The following RALYL variants were observed in gnomAD, a reference collection of about 807,000 sequenced individuals.
The protein encoded by RALYL is RNA-binding Raly-like protein.
RALYL carries 29 observed loss-of-function variants against 35.1 expected under a neutral mutation model. The observed-to-expected ratio is 0.83, with a 90% confidence interval of 0.61 to 1.13. RALYL has a LOEUF of 1.13. Ranked by LOEUF, RALYL falls within the 50% of genes most tolerant of loss-of-function variation. The probability of loss-of-function intolerance (pLI) is 0.00; values close to 1 mark genes in which losing one functional copy is unlikely to be tolerated. For synonymous variants in RALYL, 120 were observed against 127.6 expected (o/e 0.94, Z 0.40); for missense variants, 359 against 360.4 (o/e 1.00, Z 0.03).
intron 2 of RALYL, among the ~76,000 whole-genome samples, chr8:84,716,285 T>A (rs146697626): frequency 3.3e-5 from 5 of 152,318 alleles, no homozygotes; most frequent in Admixed American, 3.3e-4. Flanking sequence ...AACTCACGTT[T>A]GTTTTAAGAC....
At chr8:84,768,282 G>A (rs769085007) in intron 2 of RALYL, among the ~76,000 whole-genome samples, 6 of 152,102 alleles carry the variant, frequency 3.9e-5, no homozygotes, top group Non-Finnish European at 7.4e-5. Flanking sequence ...GAGAACCTAA[G>A]CCTTGGCTTC....
chr8:84,471,609 A>C (rs1036019039), intron 1 of RALYL, among the ~76,000 whole-genome samples: 1 of 152,114 alleles, frequency 6.6e-6, no homozygotes, highest in African/African-American at 2.4e-5. Flanking sequence ...TCAGTCTCAC[A>C]CAGGACACAC....
intron 2 of RALYL, among the ~76,000 whole-genome samples, chr8:84,760,573 A>G (rs1352711282): frequency 6.6e-6 from 1 of 152,220 alleles, no homozygotes; most frequent in South Asian, 2.1e-4. Context: ...GGATTTTAAA[A>G]ATGTTTACAT....
intron 7 of RALYL, among the ~76,000 whole-genome samples, chr8:84,878,850 G>A (rs1253841615): frequency 2.6e-5 from 4 of 152,094 alleles, no homozygotes; most frequent in Non-Finnish European, 5.9e-5. Context: ...ATGAATATCT[G>A]AATAAGCTTT....
chr8:84,446,459 G>A (rs1425342550), intron 1 of RALYL, among the ~76,000 whole-genome samples: 1 of 152,030 alleles, frequency 6.6e-6, no homozygotes, highest in Non-Finnish European at 1.5e-5. Context: ...TATTTCAATA[G>A]TACGCTGTTA....
chr8:84,734,287 ATATCTT>A (rs1846813791), intron 2 of RALYL, among the ~76,000 whole-genome samples: 1 of 152,172 alleles, frequency 6.6e-6, no homozygotes, highest in African/African-American at 2.4e-5. Flanking sequence ...GAAAAAATAA[ATATCTT>A]TACTCATCTT....
At chr8:84,274,794 G>A (rs965239030) in intron 1 of RALYL, among the ~76,000 whole-genome samples, 1 of 152,118 alleles carries the variant, frequency 6.6e-6, no homozygotes, top group Admixed American at 6.5e-5. Context: ...TAAATGTCTA[G>A]AACTCTGCCA....
At chr8:84,503,065 A>G (rs2134252237) in intron 1 of RALYL, among the ~76,000 whole-genome samples, 1 of 152,268 alleles carries the variant, frequency 6.6e-6, no homozygotes, top group Non-Finnish European at 1.5e-5. Context: ...AGAAAAATAT[A>G]CTGATAAGTA....
At chr8:84,621,125 G>A (rs909541132) in intron 2 of RALYL, among the ~76,000 whole-genome samples, 6 of 152,236 alleles carry the variant, frequency 3.9e-5, no homozygotes, top group South Asian at 4.1e-4. Context: ...CACCCAGTTC[G>A]AGCTTCCTGG....
intron 1 of RALYL, among the ~76,000 whole-genome samples, chr8:84,392,185 C>T (rs1860847908): frequency 6.6e-6 from 1 of 151,908 alleles, no homozygotes; most frequent in African/African-American, 2.4e-5. Flanking sequence ...TGGTAAATGG[C>T]CACTGCAGAA....
In RALYL at chr8:84,333,888, G is replaced by GTT. The variant is rs976044736; in HGVS notation, c.-24+149470_-24+149471dup. Among the ~76,000 whole-genome samples, 4 of 144,046 alleles carry GTT rather than the reference G, an allele frequency of 2.8e-5. No individual in the cohort carries two copies. In the East Asian group the frequency reaches 7.7e-4, roughly 28 times the overall value. 94.5% of individuals were successfully genotyped at this position (144,046 alleles called of 152,430 possible). On this transcript the variant is annotated intron_variant, in intron 1 of 8. Transcript: ENST00000521268. The stretch of plus-strand genomic sequence containing the variant: ...GCTTGAAAGAGTCTTATTTTAACTT[G>GTT]TTTTTTTCCCCCCTTGGGACACGGT...
intron 2 of RALYL, among the ~76,000 whole-genome samples, chr8:84,635,355 G>A (rs200510419): frequency 2.0e-5 from 3 of 151,164 alleles, no homozygotes; most frequent in African/African-American, 7.3e-5. Context: ...TTCTATAGAA[G>A]AACTATTTCC....
At chr8:84,463,529 C>CA (rs2133439076) in intron 1 of RALYL, among the ~76,000 whole-genome samples, 1 of 151,910 alleles carries the variant, frequency 6.6e-6, no homozygotes, top group African/African-American at 2.4e-5. Context: ...TCCAAAGAGG[C>CA]AATGTACTAT....
intron 2 of RALYL, among the ~76,000 whole-genome samples, chr8:84,669,937 C>T (rs1006239483): frequency 1.6e-4 from 25 of 152,186 alleles, no homozygotes; most frequent in East Asian, 1.9e-4. Flanking sequence ...GCATTTCAAC[C>T]GATTCCTAGT....
At chr8:84,469,049 A>T (rs1044338720) in intron 1 of RALYL, among the ~76,000 whole-genome samples, 2 of 151,312 alleles carry the variant, frequency 1.3e-5, no homozygotes, top group South Asian at 2.1e-4. Flanking sequence ...ATTCTTCTAA[A>T]TTTTTTTTCA....
intron 8 of RALYL, among the ~76,000 whole-genome samples, chr8:84,895,672 C>T (rs1238887495): frequency 6.6e-6 from 1 of 152,092 alleles, no homozygotes; most frequent in Non-Finnish European, 1.5e-5. Flanking sequence ...ACCACCACGC[C>T]TGGCTAATTT....
chr8:84,729,978 C>T (rs904267994), intron 2 of RALYL, among the ~76,000 whole-genome samples: 21 of 152,102 alleles, frequency 1.4e-4, no homozygotes, highest in African/African-American at 4.8e-4. Context: ...GGTACCATTC[C>T]TTCTGAAACT....
intron 2 of RALYL, among the ~76,000 whole-genome samples, chr8:84,749,586 G>A (rs1809464812): frequency 1.3e-5 from 2 of 152,112 alleles, no homozygotes; most frequent in African/African-American, 2.4e-5. Context: ...AGAAGTGATA[G>A]CAAAACTCAG....
intron 2 of RALYL, among the ~76,000 whole-genome samples, chr8:84,578,914 A>C (rs901391250): frequency 2.6e-5 from 4 of 152,142 alleles, no homozygotes; most frequent in African/African-American, 9.7e-5. Flanking sequence ...AGCACCATAC[A>C]TTCTCACTCT....
Sources: gnomAD v4.1 joint callset for allele counts (sites outside exome capture counted in the v4.1 genomes callset) on GRCh38, gnomAD v4.1.1 for gene constraint, MANE v1.5 for transcripts, NCBI Gene and HGNC (gene_info 2026-07-23, HGNC 2026-07-21) for gene names.